Variants in CHD6 observed in about 807,000 individuals in gnomAD.
The protein encoded by CHD6 is ATP-dependent chromatin remodeler CHD6.
A neutral mutation model predicts 276.9 loss-of-function variants in CHD6; 50 were observed. That is an observed-to-expected ratio of 0.18 (90% CI 0.14 to 0.23). The LOEUF (loss-of-function observed/expected upper bound fraction) is 0.23. Among genes scored for constraint, CHD6 ranks in the 10% least tolerant of loss-of-function variants. The probability of loss-of-function intolerance (pLI) is 1.00; values close to 1 mark genes in which losing one functional copy is unlikely to be tolerated. For synonymous variants in CHD6, 1,173 were observed against 1,229.3 expected (o/e 0.95, Z 0.96); for missense variants, 2,564 against 3,365.8 (o/e 0.76, Z 5.89).
At chr20:41,506,693 C>T (rs1356152722) in intron 5 of CHD6, among the ~76,000 whole-genome samples, 3 of 152,148 alleles carry the variant, frequency 2.0e-5, no homozygotes, top group Admixed American at 6.5e-5. Context: ...AAGTTTTGAC[C>T]TTGGTCCTTT....
chr20:41,416,632 G>A lies in CHD6; in HGVS notation c.6442C>T (p.His2148Tyr). 2 of 1,613,878 alleles carry A rather than the reference G, an allele frequency of 1.2e-6. No homozygotes were observed. Among genetic ancestry groups the A allele is most frequent in the Non-Finnish European group, 1.7e-6 (2 of 1,179,930 alleles). ...AATGCTGCGCCGTTGCTGAAGCTGTGTTCTGCTGCTTCCGGCTCTGAGAGG... is the reference window on the plus strand; with the variant it reads ...AATGCTGCGCCGTTGCTGAAGCTGTATTCTGCTGCTTCCGGCTCTGAGAGG... ...TSLSEPEAAE[H>Y]SFSNGAALAA... The change falls in exon 33 of 37, where the codon CAC (histidine) becomes TAC (tyrosine). Residue 2148 changes from histidine (H) to tyrosine (Y), a missense_variant. Transcript: ENST00000373233.
chr20:41,457,983 T>C (rs2048427786), intron 17 of CHD6, among the ~76,000 whole-genome samples: 1 of 152,212 alleles, frequency 6.6e-6, no homozygotes, highest in African/African-American at 2.4e-5. Flanking sequence ...TTTCTAAAGA[T>C]ACAAACTCTT....
intron 4 of CHD6, among the ~76,000 whole-genome samples, chr20:41,514,549 C>T (rs2044204686): frequency 6.6e-6 from 1 of 152,214 alleles, no homozygotes; most frequent in African/African-American, 2.4e-5. Context: ...TCCACATCAA[C>T]TCCCTCTGCA....
At chr20:41,591,039 T>C (rs2045652410) in intron 1 of CHD6, among the ~76,000 whole-genome samples, 2 of 151,842 alleles carry the variant, frequency 1.3e-5, no homozygotes, top group South Asian at 4.2e-4. Flanking sequence ...CATAAAAAAA[T>C]GATGAGTTCA....
intron 16 of CHD6, among the ~76,000 whole-genome samples, chr20:41,479,958 T>C (rs1400921475): frequency 6.6e-6 from 1 of 152,202 alleles, no homozygotes; most frequent in African/African-American, 2.4e-5. Context: ...ATGGCAACCC[T>C]GGAAGCTAGA....
intron 1 of CHD6, among the ~76,000 whole-genome samples, chr20:41,615,843 A>G (rs549500672): frequency 6.6e-5 from 10 of 152,390 alleles, no homozygotes; most frequent in African/African-American, 2.4e-4. Flanking sequence ...ACAGGAAGAC[A>G]TAACCACAAA....
At position 41,416,022 on chromosome 20, in the gene CHD6, G is replaced by C. The variant is rs140860448; in HGVS notation, c.6487-384C>G. Among the ~76,000 whole-genome samples the C allele has an allele frequency of 3.3e-3, 506 of 152,264 alleles. 3 individuals carry two copies. Among genetic ancestry groups the C allele is most frequent in the African/African-American group, 0.011 (472 of 41,534 alleles). On this transcript the variant is annotated intron_variant, in intron 33 of 36. Transcript: ENST00000373233. The stretch of plus-strand genomic sequence containing the variant: ...ACTCCAGACTGAATAAGTCAGCATC[G>C]TTAGCTTGTCACGGTCCCCAGCTGA...
At chr20:41,438,917 A>G (rs756644895) in intron 26 of CHD6, among the ~76,000 whole-genome samples, 2 of 152,216 alleles carry the variant, frequency 1.3e-5, no homozygotes, top group African/African-American at 2.4e-5. Flanking sequence ...ACAGATGGAA[A>G]ATGCACTGCA....
chr20:41,588,383 G>A (rs993284464), intron 1 of CHD6, among the ~76,000 whole-genome samples: 9 of 152,144 alleles, frequency 5.9e-5, no homozygotes, highest in Admixed American at 3.3e-4. Context: ...GGCTGAAGAG[G>A]CTGTGGCAAT....
chr20:41,602,048 C>T (rs1341798281), intron 1 of CHD6, among the ~76,000 whole-genome samples: 2 of 152,182 alleles, frequency 1.3e-5, no homozygotes, highest in East Asian at 1.9e-4. Context: ...ATTCTTTAGT[C>T]CCTCTCCTCT....
chr20:41,561,943 T>A (rs2045305927), intron 1 of CHD6, among the ~76,000 whole-genome samples: 1 of 152,200 alleles, frequency 6.6e-6, no homozygotes, highest in African/African-American at 2.4e-5. Flanking sequence ...ACCTGGTGGA[T>A]TCTTTCTCAA....
At chr20:41,565,946 A>C (rs1344852783) in intron 1 of CHD6, among the ~76,000 whole-genome samples, 1 of 152,222 alleles carries the variant, frequency 6.6e-6, no homozygotes, top group Non-Finnish European at 1.5e-5. Flanking sequence ...GGAGACTGGG[A>C]AGATGATATT....
chr20:41,443,664 ATCT>A (rs2145616444), intron 25 of CHD6, among the ~76,000 whole-genome samples: 1 of 152,188 alleles, frequency 6.6e-6, no homozygotes, highest in South Asian at 2.1e-4. Context: ...TCATGTCTTC[ATCT>A]TCTTTATCAC....
chr20:41,551,531 C>A (rs1451258188), intron 1 of CHD6, among the ~76,000 whole-genome samples, 171 bp from the exon 2 acceptor site: 1 of 152,208 alleles, frequency 6.6e-6, no homozygotes, highest in Non-Finnish European at 1.5e-5. Context: ...TTAGATCTAA[C>A]TCTGTTAGAC....
At position 41,415,431 on chromosome 20, in the gene CHD6, G is replaced by A. The variant is rs2046964912; in HGVS notation, c.6694C>T (p.Pro2232Ser). 6.2e-7 allele frequency: 1 copy of A among 1,612,520 alleles called. No individual in the cohort carries two copies. The highest frequency in any genetic ancestry group is 8.5e-7 in the Non-Finnish European group (1 of 1,179,260). The change falls in exon 34 of 37, where the codon CCT becomes TCT. Residue 2232 changes from proline (P) to serine (S), a missense_variant. Around this residue, in one of 7 missense-constraint regions of CHD6, gnomAD observed 1,024 missense variants for 1,047.9 expected, o/e 0.98. Transcript: ENST00000373233. ...GGGGTGCTGGCGCTCACTGGGAAAG[G>A]GGATGTGGCTCCTGGGGACCCCTCT... ...SSEGSPGATS[P>S]FPVSASTPKI... is the part of the protein sequence containing the mutation.
Position 41,462,580 on chromosome 20 carries a change from A to C in CHD6, c.2665-5152T>G, listed in dbSNP as rs573521236. 2.6e-4 allele frequency among the ~76,000 whole-genome samples: 39 copies of C among 152,356 alleles called. No individual in the cohort carries two copies. In the South Asian group the frequency reaches 7.7e-3, roughly 30 times the overall value. On this transcript the variant is annotated intron_variant, in intron 17 of 36. Transcript: ENST00000373233. ...GAGTAAGGGCTTTCACTGTTGGAGA[A>C]GGAAATTATAAATATGGAAAGGAGG...
At chr20:41,584,423 GT>G (rs1280466293) in intron 1 of CHD6, among the ~76,000 whole-genome samples, 1 of 152,102 alleles carries the variant, frequency 6.6e-6, no homozygotes, top group African/African-American at 2.4e-5. Context: ...AATCCATAGT[GT>G]GTAGAAAAAA....
At chr20:41,551,818 C>G (rs1358504328) in intron 1 of CHD6, among the ~76,000 whole-genome samples, 1 of 152,170 alleles carries the variant, frequency 6.6e-6, no homozygotes, top group Non-Finnish European at 1.5e-5. Context: ...ATGCAGTTCT[C>G]TCTAAGGAGT....
chr20:41,492,491 G>T (rs772130745), intron 10 of CHD6, among the ~76,000 whole-genome samples: 7 of 152,122 alleles, frequency 4.6e-5, no homozygotes, highest in Non-Finnish European at 7.4e-5. Context: ...GTAAAAGCAA[G>T]AAATAATATT....
Sources: gnomAD v4.1 joint callset for allele counts (sites outside exome capture counted in the v4.1 genomes callset) on GRCh38, gnomAD v4.1.1 for gene constraint, gnomAD v4.1.1 regional missense constraint, MANE v1.5 for transcripts, NCBI Gene and HGNC (gene_info 2026-07-23, HGNC 2026-07-21) for gene names.